The following KCNQ3 variants were observed in gnomAD, a reference collection of about 807,000 sequenced individuals.
KCNQ3 encodes the protein potassium voltage-gated channel subfamily Q member 3.
Under a neutral mutation model 92.5 loss-of-function variants are expected in KCNQ3, and 30 were observed. That is an observed-to-expected ratio of 0.32 (90% CI 0.24 to 0.44). The LOEUF is 0.44. Among genes scored for constraint, KCNQ3 ranks in the 20% least tolerant of loss-of-function variants. The pLI is 1.00. For missense variants in KCNQ3, 913 were observed against 1,140.3 expected (o/e 0.80, Z 2.87); for synonymous variants, 450 against 468.8 (o/e 0.96, Z 0.52).
intron 1 of KCNQ3, among the ~76,000 whole-genome samples, chr8:132,267,358 C>G (rs561039631): frequency 4.6e-5 from 7 of 152,098 alleles, no homozygotes; most frequent in Non-Finnish European, 8.8e-5. Flanking sequence ...AAGGTATTGC[C>G]CACGTCCTCT....
At chr8:132,134,591 T>G (rs1825013571) in intron 12 of KCNQ3, among the ~76,000 whole-genome samples, 2 of 147,002 alleles carry the variant, frequency 1.4e-5, no homozygotes, top group Non-Finnish European at 1.5e-5. Flanking sequence ...AAAGAGAGAG[T>G]GCATACTAGC....
intron 12 of KCNQ3, 41 bp from the exon 13 acceptor site, chr8:132,134,429 C>A (rs1434941596): frequency 5.8e-6 from 8 of 1,381,324 alleles, no homozygotes; most frequent in Non-Finnish European, 7.2e-6. Context: ...TTACACAGAG[C>A]TTTGTTTTGA....
chr8:132,465,949 G>A (rs1389173922), intron 1 of KCNQ3, among the ~76,000 whole-genome samples: 1 of 151,966 alleles, frequency 6.6e-6, no homozygotes, highest in African/African-American at 2.4e-5. Flanking sequence ...CAAACGACAG[G>A]AATAAATAAA....
Position 132,480,306 on chromosome 8 carries a change from T to C in KCNQ3, c.227A>G (p.Glu76Gly), listed in dbSNP as rs1438607992. Reference protein sequence around the residue: ...TLLLEGGGRDEGQRRTPQGIG... With the variant: ...TLLLEGGGRDGGQRRTPQGIG... Reference sequence around the variant, plus strand: ...GCCCTGCGGGGTCCTCCGCTGCCCCTCGTCGCGGCCGCCGCCCTCCAGCAG... The same window carrying C: ...GCCCTGCGGGGTCCTCCGCTGCCCCCCGTCGCGGCCGCCGCCCTCCAGCAG... The change falls in exon 1 of 15, where the codon GAG becomes GGG. Residue 76 changes from glutamate (E) to glycine (G), a missense_variant. By Grantham distance (98) the Glu-to-Gly change is moderately conservative. This residue lies in a region of KCNQ3 where 183 missense variants were observed against 167.7 expected (regional missense o/e 1.09). Coordinates refer to ENST00000388996, the MANE Select transcript of KCNQ3 (RefSeq NM_004519.4). The C allele has an allele frequency of 6.2e-7, 1 of 1,603,598 alleles. No homozygotes were observed. The highest frequency in any genetic ancestry group is 8.5e-7 in the Non-Finnish European group (1 of 1,175,568).
intron 1 of KCNQ3, among the ~76,000 whole-genome samples, chr8:132,279,676 G>A (rs995327684): frequency 5.9e-5 from 9 of 152,104 alleles, no homozygotes; most frequent in South Asian, 2.1e-4. Context: ...GCACACACAC[G>A]TGTATATGTA....
chr8:132,430,833 C>T (rs767069718), intron 1 of KCNQ3, among the ~76,000 whole-genome samples: 37 of 152,164 alleles, frequency 2.4e-4, no homozygotes, highest in Non-Finnish European at 5.1e-4. Flanking sequence ...GTTTGTCCTT[C>T]CTCAACACCT....
At chr8:132,466,226 A>AG (rs1563921436) in intron 1 of KCNQ3, among the ~76,000 whole-genome samples, 1 of 151,894 alleles carries the variant, frequency 6.6e-6, no homozygotes, top group East Asian at 1.9e-4. Context: ...AAAATTAATG[A>AG]GGGGGAAAAA....
At chr8:132,249,050 T>C (rs1275018653) in intron 1 of KCNQ3, among the ~76,000 whole-genome samples, 1 of 152,132 alleles carries the variant, frequency 6.6e-6, no homozygotes, top group Non-Finnish European at 1.5e-5. Flanking sequence ...TTCCTTCTGG[T>C]GGGTTTGTGG....
intron 1 of KCNQ3, among the ~76,000 whole-genome samples, chr8:132,435,403 A>G (rs749311157): frequency 5.9e-5 from 9 of 152,150 alleles, no homozygotes; most frequent in Non-Finnish European, 1.2e-4. Context: ...GGATCTCCTT[A>G]CAGCTAAGGA....
chr8:132,383,015 A>G (rs1819793959), intron 1 of KCNQ3, among the ~76,000 whole-genome samples: 1 of 152,186 alleles, frequency 6.6e-6, no homozygotes, highest in East Asian at 1.9e-4. Flanking sequence ...GCCTCACAGC[A>G]TCATCATGAG....
At chr8:132,224,570 C>G (rs1814346719) in intron 1 of KCNQ3, among the ~76,000 whole-genome samples, 1 of 152,124 alleles carries the variant, frequency 6.6e-6, no homozygotes, top group South Asian at 2.1e-4. Flanking sequence ...ATAATGTACT[C>G]TCAAGAACCA....
At chr8:132,240,633 G>A (rs1158505566) in intron 1 of KCNQ3, among the ~76,000 whole-genome samples, 1 of 152,148 alleles carries the variant, frequency 6.6e-6, no homozygotes. Context: ...AAGCCAACGG[G>A]GCTTTGATAA....
chr8:132,297,865 G>A (rs1431184093), intron 1 of KCNQ3, among the ~76,000 whole-genome samples: 1 of 152,198 alleles, frequency 6.6e-6, no homozygotes, highest in East Asian at 1.9e-4. Flanking sequence ...GCAAGTCACA[G>A]TGCATCTTAA....
At chr8:132,154,208 T>TTTTTTGTTTTTG (rs1554624532) in intron 9 of KCNQ3, among the ~76,000 whole-genome samples, 1 of 142,240 alleles carries the variant, frequency 7.0e-6, no homozygotes, top group African/African-American at 2.7e-5. Flanking sequence ...TTTTTTTTTT[T>TTTTTTGTTTTTG]TTTTTTTTTT....
intron 1 of KCNQ3, among the ~76,000 whole-genome samples, chr8:132,247,950 C>G (rs566840400): frequency 6.1e-4 from 88 of 144,922 alleles, no homozygotes; most frequent in Middle Eastern, 3.6e-3. Context: ...TAATCCTAAT[C>G]AAAGCCCCAG....
At chr8:132,232,073 G>A (rs921791625) in intron 1 of KCNQ3, among the ~76,000 whole-genome samples, 11 of 152,156 alleles carry the variant, frequency 7.2e-5, no homozygotes, top group African/African-American at 2.7e-4. Flanking sequence ...CAAGGAAATG[G>A]AGACACCTGG....
chr8:132,446,804 A>G (rs1821688716), intron 1 of KCNQ3, among the ~76,000 whole-genome samples: 1 of 152,178 alleles, frequency 6.6e-6, no homozygotes, highest in African/African-American at 2.4e-5. Context: ...GGAGGACAAA[A>G]CTACCAAAGG....
At chr8:132,338,636 C>A (rs186714096) in intron 1 of KCNQ3, among the ~76,000 whole-genome samples, 2 of 152,154 alleles carry the variant, frequency 1.3e-5, no homozygotes, top group Non-Finnish European at 2.9e-5. Flanking sequence ...CACTCAGTAG[C>A]GTCACCCTCA....
intron 1 of KCNQ3, among the ~76,000 whole-genome samples, chr8:132,187,770 A>ATAGTGATGGTGGTGGCGGTGGTG (rs1479020855): frequency 1.1e-5 from 1 of 91,092 alleles, no homozygotes; most frequent in African/African-American, 4.2e-5. Context: ...TGATGGTGGT[A>ATAGTGATGGTGGTGGCGGTGGTG]GTGATAGTGA....
Sources: allele counts gnomAD v4.1 joint callset (sites outside exome capture counted in the v4.1 genomes callset), GRCh38; gene constraint gnomAD v4.1.1; regional missense constraint gnomAD v4.1.1; transcripts MANE v1.5; gene names NCBI Gene and HGNC (gene_info 2026-07-23, HGNC 2026-07-21).